DNAH7: variants seen among roughly 807,000 people sequenced by gnomAD.
The protein encoded by DNAH7 is dynein axonemal heavy chain 7, also known as axonemal beta dynein heavy chain 7.
In DNAH7, 397 loss-of-function variants were observed where a neutral mutation model predicts 444.6. That is an observed-to-expected ratio of 0.89 (90% CI 0.82 to 0.97). The LOEUF (loss-of-function observed/expected upper bound fraction) is 0.97, where lower values mean the gene tolerates loss of function less well. Among genes scored for constraint, DNAH7 ranks in the 50% least tolerant of loss-of-function variants. The probability of loss-of-function intolerance (pLI) is 0.00; values close to 1 mark genes in which losing one functional copy is unlikely to be tolerated. For missense variants in DNAH7, 4,902 were observed against 4,800.8 expected, an observed-to-expected ratio of 1.02 and a Z score of -0.62; for synonymous variants, 1,636 against 1,624.4, an observed-to-expected ratio of 1.01 and a Z score of -0.17.
At chr2:195,871,727 C>G (rs1308850777) in intron 40 of DNAH7, among the ~76,000 whole-genome samples, 1 of 83,944 alleles carries the variant, frequency 1.2e-5, no homozygotes, top group Non-Finnish European at 2.1e-5. Context: ...GTCAGGAGAT[C>G]GAGACCATCC....
intron 24 of DNAH7, among the ~76,000 whole-genome samples, chr2:195,913,627 T>C (rs1398760432): frequency 6.6e-6 from 1 of 152,258 alleles, no homozygotes; most frequent in Non-Finnish European, 1.5e-5. Flanking sequence ...CCAGCCCCTC[T>C]TCATTTTCAT....
chr2:195,907,052 C>A, intron 25 of DNAH7, 43 bp from the exon 26 acceptor site: 1 of 1,428,878 alleles, frequency 7.0e-7, no homozygotes, highest in South Asian at 1.2e-5. Context: ...TTATCTGATT[C>A]AATGTTGCAA....
intron 19 of DNAH7, among the ~76,000 whole-genome samples, chr2:195,954,659 T>C (rs1690511416): frequency 6.6e-6 from 1 of 152,220 alleles, no homozygotes; most frequent in Non-Finnish European, 1.5e-5. Context: ...GTAAAAGTGT[T>C]CCTATTTCTC....
intron 52 of DNAH7, 22 bp from the exon 53 acceptor site, chr2:195,808,898 G>A (rs1368103876): frequency 6.2e-7 from 1 of 1,603,982 alleles, no homozygotes; most frequent in Non-Finnish European, 8.5e-7. Context: ...AAGGCAGCGT[G>A]AAGAGTCAGA....
intron 1 of DNAH7, among the ~76,000 whole-genome samples, chr2:196,065,997 A>C (rs942230184): frequency 6.6e-6 from 1 of 152,232 alleles, no homozygotes; most frequent in African/African-American, 2.4e-5. Context: ...AGTCCTTTTG[A>C]GTATGCCATC....
intron 22 of DNAH7, 32 bp downstream of exon 22, chr2:195,926,394 T>C: frequency 6.8e-7 from 1 of 1,464,014 alleles, no homozygotes. Context: ...GAAAAAATGC[T>C]TAAAAAAACC....
intron 19 of DNAH7, among the ~76,000 whole-genome samples, chr2:195,954,544 G>T (rs980854019): frequency 3.3e-5 from 5 of 152,214 alleles, no homozygotes; most frequent in African/African-American, 4.8e-5. Flanking sequence ...TATATACCCA[G>T]TAATGGGATG....
intron 34 of DNAH7, among the ~76,000 whole-genome samples, chr2:195,885,363 G>A (rs1427299433): frequency 6.6e-6 from 1 of 152,132 alleles, no homozygotes; most frequent in East Asian, 1.9e-4. Context: ...TACCAATAAG[G>A]TAGGAAGCCT....
intron 34 of DNAH7, 21 bp from the exon 35 acceptor site, chr2:195,884,830 G>T (rs1320516218): frequency 1.9e-6 from 3 of 1,572,462 alleles, no homozygotes; most frequent in Admixed American, 3.4e-5. Flanking sequence ...CAGATGAGAA[G>T]ATTAAGAACA....
chr2:195,807,231 A>C (rs1051048129), intron 53 of DNAH7, among the ~76,000 whole-genome samples: 11 of 151,280 alleles, frequency 7.3e-5, no homozygotes, highest in African/African-American at 2.7e-4. Flanking sequence ...ATCTTGGCTC[A>C]CTGCAACCTC....
intron 61 of DNAH7, among the ~76,000 whole-genome samples, chr2:195,771,162 AAAAATAAAATAAAAT>A (rs995718512): frequency 6.6e-6 from 1 of 151,942 alleles, no homozygotes; most frequent in Non-Finnish European, 1.5e-5. Flanking sequence ...CTAAAAAAAT[AAAAATAAAATAAAAT>A]AAAATAGAAT....
chr2:195,879,032 T>A (rs2125160474), intron 36 of DNAH7, among the ~76,000 whole-genome samples: 1 of 152,242 alleles, frequency 6.6e-6, no homozygotes, highest in South Asian at 2.1e-4. Context: ...TTTTAAATAG[T>A]TTACGTACCC....
chr2:195,980,059 T>TAAA, intron 15 of DNAH7, among the ~76,000 whole-genome samples: 1 of 18,802 alleles, frequency 5.3e-5, no homozygotes, highest in Non-Finnish European at 1.0e-4. Context: ...CTCAAACTAA[T>TAAA]ACAAAAAAAA....
At chr2:195,787,954 A>C (rs1695707808) in intron 57 of DNAH7, among the ~76,000 whole-genome samples, 1 of 152,142 alleles carries the variant, frequency 6.6e-6, no homozygotes, top group South Asian at 2.1e-4. Context: ...GGGTGAGGAA[A>C]CCCCAAGGGT....
In DNAH7 at chr2:195,906,649, C is replaced by T. The variant is rs757886301; in HGVS notation, c.4335+10G>A. ...AGAAGAAATAGATTATATAATAACTCCTTCCATACCTTCAGGTTATCTGGC... is the reference window on the plus strand; with the variant it reads ...AGAAGAAATAGATTATATAATAACTTCTTCCATACCTTCAGGTTATCTGGC... On this transcript the variant is annotated intron_variant, in intron 27 of 64. Coordinates refer to ENST00000312428, the MANE Select transcript of DNAH7 (RefSeq NM_018897.3). 8.1e-6 allele frequency: 13 copies of T among 1,606,830 alleles called. No individual in the cohort carries two copies. The East Asian group carries it at 2.7e-4, about 33-fold the overall frequency.
At chr2:195,876,521 G>A in intron 37 of DNAH7, 23 bp downstream of exon 37, 1 of 1,610,674 alleles carries the variant, frequency 6.2e-7, no homozygotes, top group Non-Finnish European at 8.5e-7. Context: ...AATAGGCCCG[G>A]GTACTGTACA....
intron 5 of DNAH7, among the ~76,000 whole-genome samples, chr2:196,046,781 A>G (rs1275153391): frequency 3.9e-5 from 6 of 152,072 alleles, no homozygotes. Flanking sequence ...GGGTCATGAA[A>G]CCCCACTCGT....
Position 195,875,854 on chromosome 2 carries a change from G to A in DNAH7, c.6118-11C>T. 3 of 1,592,226 alleles carry A rather than the reference G, an allele frequency of 1.9e-6. No homozygotes were observed. Among genetic ancestry groups the A allele is most frequent in the South Asian group, 1.2e-5 (1 of 86,444 alleles). On this transcript the variant is annotated splice_polypyrimidine_tract_variant and intron_variant, in intron 37 of 64. Coordinates refer to ENST00000312428, the MANE Select transcript of DNAH7 (RefSeq NM_018897.3). ...ATCTACAAAGACAACCTGAGAATGA[G>A]AAGAGAAGAGGTACAGAAAATATTA...
chr2:195,933,359 G>A (rs574435066), intron 21 of DNAH7, among the ~76,000 whole-genome samples: 14 of 152,228 alleles, frequency 9.2e-5, no homozygotes, highest in African/African-American at 3.4e-4. Flanking sequence ...CAGGGATCTA[G>A]AACTAGAAAT....
Sources: allele counts gnomAD v4.1 joint callset (sites outside exome capture counted in the v4.1 genomes callset), GRCh38; gene constraint gnomAD v4.1.1; transcripts MANE v1.5; gene names NCBI Gene and HGNC (gene_info 2026-07-23, HGNC 2026-07-21).